The following SNTB1 variants were observed in gnomAD, a reference collection of about 807,000 sequenced individuals.
SNTB1 encodes beta-1-syntrophin.
In SNTB1, 36 loss-of-function variants were observed where a neutral mutation model predicts 48.9. That is an observed-to-expected ratio of 0.74 (90% CI 0.56 to 0.97). The LOEUF (loss-of-function observed/expected upper bound fraction) is 0.97. Among genes scored for constraint, SNTB1 ranks in the 50% least tolerant of loss-of-function variants. The pLI is 0.00. For missense variants in SNTB1, 786 were observed against 703.4 expected (o/e 1.12, Z -1.33); for synonymous variants, 299 against 294.6 (o/e 1.01, Z -0.15).
rs1376229522 is a variant in SNTB1, at chr8:120,693,764, C to G, written c.716G>C (p.Arg239Thr). The change falls in exon 2 of 7, where the codon AGA (arginine) becomes ACA (threonine). Residue 239 changes from arginine (R) to threonine (T), a missense_variant. Transcript: ENST00000517992. ...TTTGAGGGGGATGCTTTTCCGGTCTCTGTGGAAGGAGAAGGACTGCGATGA... is the reference window on the plus strand; with the variant it reads ...TTTGAGGGGGATGCTTTTCCGGTCTGTGTGGAAGGAGAAGGACTGCGATGA... ...PPSSQSFSFH[R>T]DRKSIPLKMC... The G allele has an allele frequency of 6.2e-7, 1 of 1,613,842 alleles. No individual in the cohort carries two copies. Among genetic ancestry groups the G allele is most frequent in the African/African-American group, 1.3e-5 (1 of 74,920 alleles).
rs1820441289 is a variant in SNTB1, at chr8:120,811,787, C to T, written c.57G>A (p.Arg19=). ...CTTCCAGCAGCCCGCTCCGCTGCGCCCGGCCGCCTCCCGCGCCAGCCGGCC... is the reference window on the plus strand; with the variant it reads ...CTTCCAGCAGCCCGCTCCGCTGCGCTCGGCCGCCTCCCGCGCCAGCCGGCC... The part of the protein sequence containing the change: ...AAGPAGAGGG[R]AQRSGLLEVL... The change falls in exon 1 of 7, where the codon CGG becomes CGA. Residue 19 remains arginine (R), a synonymous_variant. Coordinates refer to ENST00000517992, the MANE Select transcript of SNTB1 (RefSeq NM_021021.4). 3.4e-6 allele frequency: 5 copies of T among 1,454,300 alleles called. No homozygotes were observed. The highest frequency in any genetic ancestry group is 1.5e-5 in the South Asian group (1 of 65,984). 90.1% of individuals were successfully genotyped at this position (1,454,300 alleles called of 1,614,324 possible). A position where few individuals can be genotyped will look rare whatever the true frequency, so the allele number is the denominator to read the frequency against.
At chr8:120,754,329 CA>C (rs936407807) in intron 1 of SNTB1, among the ~76,000 whole-genome samples, 1 of 151,558 alleles carries the variant, frequency 6.6e-6, no homozygotes, top group South Asian at 2.1e-4. Context: ...CAAGTGTCTA[CA>C]AAAAAAATCA....
At chr8:120,741,852 T>C (rs1418597306) in intron 1 of SNTB1, among the ~76,000 whole-genome samples, 1 of 151,934 alleles carries the variant, frequency 6.6e-6, no homozygotes, top group Non-Finnish European at 1.5e-5. Context: ...GAAGGAGAAA[T>C]AGAGAAGGAA....
chr8:120,608,891 A>G (rs1171934589), intron 3 of SNTB1, among the ~76,000 whole-genome samples: 1 of 152,202 alleles, frequency 6.6e-6, no homozygotes, highest in East Asian at 1.9e-4. Flanking sequence ...CTTGTGTGTG[A>G]ACCTAAGTGA....
At chr8:120,777,193 G>C (rs1187064981) in intron 1 of SNTB1, among the ~76,000 whole-genome samples, 1 of 152,132 alleles carries the variant, frequency 6.6e-6, no homozygotes, top group African/African-American at 2.4e-5. Context: ...GGAAATAGTT[G>C]GTTAAACAAA....
At chr8:120,630,873 C>A (rs753779003) in intron 3 of SNTB1, among the ~76,000 whole-genome samples, 1 of 152,092 alleles carries the variant, frequency 6.6e-6, no homozygotes, top group African/African-American at 2.4e-5. Flanking sequence ...ACTGAGACAA[C>A]CAGGAGCAAA....
intron 2 of SNTB1, among the ~76,000 whole-genome samples, chr8:120,666,124 C>T (rs1355402506): frequency 5.3e-5 from 8 of 152,150 alleles, no homozygotes; most frequent in Non-Finnish European, 1.2e-4. Flanking sequence ...ATTAGTATGG[C>T]ATTGGATTTA....
At chr8:120,614,752 A>G (rs949842073) in intron 3 of SNTB1, among the ~76,000 whole-genome samples, 7 of 151,268 alleles carry the variant, frequency 4.6e-5, no homozygotes, top group Non-Finnish European at 1.0e-4. Flanking sequence ...AGGTGGAGGG[A>G]TTTTTTTTTA....
intron 2 of SNTB1, among the ~76,000 whole-genome samples, chr8:120,692,384 G>A (rs556710232): frequency 6.3e-4 from 96 of 152,206 alleles, no homozygotes; most frequent in African/African-American, 2.2e-3. Context: ...CTAAATAAGG[G>A]CCAGTCGAGC....
chr8:120,802,253 C>T (rs1004982412), intron 1 of SNTB1, among the ~76,000 whole-genome samples: 44 of 151,952 alleles, frequency 2.9e-4, no homozygotes, highest in African/African-American at 8.2e-4. Flanking sequence ...TGACTTTTTT[C>T]GGTTAATAAT....
At chr8:120,673,944 C>T (rs1011136568) in intron 2 of SNTB1, among the ~76,000 whole-genome samples, 4 of 152,118 alleles carry the variant, frequency 2.6e-5, no homozygotes, top group Non-Finnish European at 5.9e-5. Flanking sequence ...CTACAGAAGT[C>T]ACAGTTCTGG....
At chr8:120,544,815 A>G (rs1255463903) in intron 5 of SNTB1, among the ~76,000 whole-genome samples, 1 of 111,794 alleles carries the variant, frequency 8.9e-6, no homozygotes, top group Non-Finnish European at 1.7e-5. Flanking sequence ...TTTTTTTGCC[A>G]TTCAGAGTAG....
intron 1 of SNTB1, among the ~76,000 whole-genome samples, chr8:120,732,590 C>G (rs765141389): frequency 1.3e-5 from 2 of 152,156 alleles, no homozygotes; most frequent in Non-Finnish European, 2.9e-5. Context: ...ATAGAAAGGG[C>G]ATGATAGACT....
At chr8:120,560,432 G>A (rs1260399696) in intron 4 of SNTB1, among the ~76,000 whole-genome samples, 6 of 152,236 alleles carry the variant, frequency 3.9e-5, no homozygotes, top group East Asian at 1.9e-4. Flanking sequence ...GCAGTGAGCC[G>A]AGATTGCGCC....
At chr8:120,786,021 C>T (rs187195639) in intron 1 of SNTB1, among the ~76,000 whole-genome samples, 173 of 152,302 alleles carry the variant, frequency 1.1e-3, no homozygotes, top group African/African-American at 3.8e-3. Flanking sequence ...CTATTTATAA[C>T]CAAGGAAATC....
intron 2 of SNTB1, among the ~76,000 whole-genome samples, chr8:120,649,538 C>G (rs1462497794): frequency 7.1e-6 from 1 of 141,806 alleles, no homozygotes; most frequent in Non-Finnish European, 1.5e-5. Flanking sequence ...AGATCTCCAG[C>G]TGCGTGCTGG....
intron 1 of SNTB1, chr8:120,769,786 C>A (rs767488800): frequency 6.6e-6 from 1 of 152,148 alleles, no homozygotes; most frequent in Non-Finnish European, 1.5e-5. Flanking sequence ...CACATTAATC[C>A]CCAGAATGGT....
chr8:120,568,285 A>G (rs981979421), intron 4 of SNTB1, among the ~76,000 whole-genome samples: 13 of 152,106 alleles, frequency 8.5e-5, no homozygotes, highest in Admixed American at 4.6e-4. Context: ...TCCTACTGCA[A>G]TTCATTGGGA....
At chr8:120,661,301 C>CATGA (rs1042700329) in intron 2 of SNTB1, among the ~76,000 whole-genome samples, 9 of 151,866 alleles carry the variant, frequency 5.9e-5, no homozygotes, top group African/African-American at 2.2e-4. Context: ...TAGTTAAATG[C>CATGA]ATGAATGAAT....
Sources: allele counts gnomAD v4.1 joint callset (sites outside exome capture counted in the v4.1 genomes callset), GRCh38; gene constraint gnomAD v4.1.1; transcripts MANE v1.5; gene names NCBI Gene and HGNC (gene_info 2026-07-23, HGNC 2026-07-21).